OPHN1: variants seen among roughly 807,000 people sequenced by gnomAD.
OPHN1 encodes the protein oligophrenin-1.
A neutral mutation model predicts 60.7 loss-of-function variants in OPHN1; 11 were observed. The observed-to-expected ratio is 0.18, with a 90% CI of 0.11 to 0.30. The LOEUF (loss-of-function observed/expected upper bound fraction) is 0.30, where lower values mean the gene tolerates loss of function less well. Among genes scored for constraint, OPHN1 ranks in the 10% least tolerant of loss-of-function variants. The pLI is 1.00. For missense variants in OPHN1, 449 were observed against 611.0 expected, an observed-to-expected ratio of 0.73 and a Z score of 2.80; for synonymous variants, 226 against 222.6, an observed-to-expected ratio of 1.02 and a Z score of -0.14.
At position 68,432,922 on chromosome X, in the gene OPHN1, G is replaced by T; in HGVS notation, c.99C>A (p.Asn33Lys). The change falls in exon 2 of 25, where the codon AAC (asparagine) becomes AAA (lysine). Residue 33 changes from asparagine (N) to lysine (K), a missense_variant. Asn to Lys is a moderately conservative substitution (Grantham distance 94). Transcript: ENST00000355520. ...KCYEQELERT[N>K]KFIKDVIKDG... ...CTTTGATTACGTCTTTGATGAATTTGTTGGTCCTCTCCAGTTCCTGCTCAT... is the reference window on the plus strand; with the variant it reads ...CTTTGATTACGTCTTTGATGAATTTTTTGGTCCTCTCCAGTTCCTGCTCAT... The T allele has an allele frequency of 8.3e-7, 1 of 1,211,842 alleles. No individual in the cohort carries two copies. The highest frequency in any genetic ancestry group is 3.0e-5 in the East Asian group (1 of 33,845).
At chrX:68,054,624 G>T (rs2076865605) in intron 21 of OPHN1, among the ~76,000 whole-genome samples, 1 of 111,100 alleles carries the variant, frequency 9.0e-6, no homozygotes, top group African/African-American at 3.3e-5. Context: ...ACAAAAACAT[G>T]CATCTTATCA....
Position 68,351,869 on chromosome X carries a change from T to TTC in OPHN1, c.155-52774_155-52773insGA, listed in dbSNP as rs369126910. Reference sequence around the variant, plus strand: ...CTGCCACCACGCCTGGCTAATTTTTTTTTCTTTTTTTTTTTTTTTTTTTTT... The same window carrying TTC: ...CTGCCACCACGCCTGGCTAATTTTTTTCTTTCTTTTTTTTTTTTTTTTTTTTT... On this transcript the variant is annotated intron_variant, in intron 2 of 24. Transcript: ENST00000355520. Among the ~76,000 whole-genome samples, 711 of 73,085 alleles carry TTC rather than the reference T, an allele frequency of 9.7e-3. 38 individuals carry two copies. Among genetic ancestry groups the TTC allele is most frequent in the African/African-American group, 0.046 (565 of 12,252 alleles). 63.5% of individuals were successfully genotyped at this position (73,085 alleles called of 115,157 possible).
At chrX:68,240,960 AT>A in intron 5 of OPHN1, among the ~76,000 whole-genome samples, 1 of 112,098 alleles carries the variant, frequency 8.9e-6, no homozygotes, top group Non-Finnish European at 1.9e-5. Context: ...AAATATATTT[AT>A]TTTTTTAACC....
At chrX:68,112,091 AG>A (rs2077107694) in intron 17 of OPHN1, 132 bp from the exon 18 acceptor site, 19 of 230,921 alleles carry the variant, frequency 8.2e-5, no homozygotes, top group South Asian at 6.2e-4. Context: ...ACACACACAG[AG>A]AGAGATTCGG....
intron 10 of OPHN1, among the ~76,000 whole-genome samples, chrX:68,206,359 C>T (rs2077559467): frequency 9.0e-6 from 1 of 111,594 alleles, no homozygotes; most frequent in Non-Finnish European, 1.9e-5. Flanking sequence ...TGAAAGACTA[C>T]CGGCACTTTC....
intron 6 of OPHN1, among the ~76,000 whole-genome samples, chrX:68,231,694 A>G (rs774890108): frequency 2.7e-5 from 3 of 111,988 alleles, no homozygotes; most frequent in African/African-American, 9.7e-5. Context: ...AAGCCAATCA[A>G]AAAAGGTTAC....
chrX:68,182,188 G>GTTTTTTTT lies in OPHN1; in HGVS notation c.1276+10723_1276+10730dup, dbSNP rs397951860. ...TTGGGACTGACATAGAAGCTCTGTA[G>GTTTTTTTT]TTTTTTTTTTTTTTTTTTTTTTTCC... On this transcript the variant is annotated intron_variant, in intron 15 of 24. Coordinates refer to ENST00000355520, the MANE Select transcript of OPHN1 (RefSeq NM_002547.3). Among the ~76,000 whole-genome samples, 3 of 46,133 alleles carry GTTTTTTTT rather than the reference G, an allele frequency of 6.5e-5. 1 individual carries two copies. The highest frequency in any genetic ancestry group is 1.1e-4 in the Non-Finnish European group (3 of 26,944). 40.1% of individuals were successfully genotyped at this position (46,133 alleles called of 115,157 possible).
chrX:68,339,136 C>A (rs1347229126), intron 2 of OPHN1, among the ~76,000 whole-genome samples: 4 of 103,281 alleles, frequency 3.9e-5, no homozygotes, highest in South Asian at 4.3e-4. Context: ...ATGTAATATA[C>A]CACATAAATA....
chrX:68,242,789 CATT>C (rs1317540141), intron 5 of OPHN1, among the ~76,000 whole-genome samples: 1 of 112,060 alleles, frequency 8.9e-6, no homozygotes, highest in East Asian at 2.8e-4. Context: ...ACCTGGAAAA[CATT>C]ATGCTAATTC....
intron 2 of OPHN1, among the ~76,000 whole-genome samples, chrX:68,307,455 CAACA>C (rs1366069704): frequency 3.0e-4 from 25 of 83,579 alleles, no homozygotes; most frequent in African/African-American, 1.0e-3. Flanking sequence ...GACCCTATGT[CAACA>C]AAAAAAAAAA....
At chrX:68,303,591 A>T (rs7058964) in intron 2 of OPHN1, among the ~76,000 whole-genome samples, 11,018 of 108,409 alleles carry the variant, frequency 0.1, 1,370 homozygotes, top group African/African-American at 0.35. Flanking sequence ...GAGGTTGCAG[A>T]GAGCCGAGAT....
At chrX:68,242,148 G>T (rs868298880) in intron 5 of OPHN1, among the ~76,000 whole-genome samples, 18 of 105,715 alleles carry the variant, frequency 1.7e-4, no homozygotes, top group Non-Finnish European at 1.7e-4. Flanking sequence ...AGCTTTGGGA[G>T]GCTAAAGCAG....
intron 20 of OPHN1, among the ~76,000 whole-genome samples, chrX:68,068,209 TGCC>T (rs2076919944): frequency 9.0e-6 from 1 of 110,659 alleles, no homozygotes; most frequent in South Asian, 3.9e-4. Flanking sequence ...CAGTGGCTCA[TGCC>T]TGTAATCCCA....
intron 2 of OPHN1, among the ~76,000 whole-genome samples, chrX:68,430,700 T>C (rs1433867298): frequency 1.8e-5 from 2 of 110,731 alleles, no homozygotes; most frequent in Non-Finnish European, 3.8e-5. Context: ...GGCACATGCC[T>C]ATAGTCCTAG....
chrX:68,128,906 G>A (rs1366536205), intron 15 of OPHN1, among the ~76,000 whole-genome samples: 2 of 111,699 alleles, frequency 1.8e-5, no homozygotes, highest in East Asian at 2.8e-4. Flanking sequence ...TCGTATAAAT[G>A]TAAGAACTTA....
At chrX:68,165,291 C>T (rs1476068078) in intron 15 of OPHN1, among the ~76,000 whole-genome samples, 6 of 111,980 alleles carry the variant, frequency 5.4e-5, no homozygotes, top group East Asian at 2.8e-4. Context: ...TCTCAGCTTT[C>T]GACATGCCTT....
intron 21 of OPHN1, among the ~76,000 whole-genome samples, chrX:68,062,026 T>C (rs2076895030): frequency 8.9e-6 from 1 of 112,352 alleles, no homozygotes; most frequent in Non-Finnish European, 1.9e-5. Context: ...CTTAGGAACT[T>C]AGTTATATAA....
intron 19 of OPHN1, among the ~76,000 whole-genome samples, chrX:68,075,060 A>C (rs781364732): frequency 8.0e-5 from 9 of 112,636 alleles, no homozygotes; most frequent in Non-Finnish European, 1.5e-4. Flanking sequence ...AACTAGGAAA[A>C]ATACATGCAA....
At chrX:68,157,684 G>A (rs938082830) in intron 15 of OPHN1, among the ~76,000 whole-genome samples, 2 of 105,317 alleles carry the variant, frequency 1.9e-5, no homozygotes, top group African/African-American at 6.7e-5. Context: ...CGCACCCCCT[G>A]TATCTAAAAT....
Sources: allele counts gnomAD v4.1 joint callset (sites outside exome capture counted in the v4.1 genomes callset), GRCh38; gene constraint gnomAD v4.1.1; transcripts MANE v1.5; gene names NCBI Gene and HGNC (gene_info 2026-07-23, HGNC 2026-07-21).